Variants in TRAPPC9 observed in about 807,000 individuals in gnomAD.
TRAPPC9 encodes IKK2 binding protein.
In TRAPPC9, 83 loss-of-function variants were observed where a neutral mutation model predicts 124.0. The observed-to-expected ratio is 0.67, with a 90% CI of 0.56 to 0.80. The LOEUF is 0.80. Among genes scored for constraint, TRAPPC9 ranks in the 30% least tolerant of loss-of-function variants. The pLI is 0.00. For synonymous variants in TRAPPC9, 638 were observed against 617.5 expected (o/e 1.03, Z -0.49); for missense variants, 1,302 against 1,508.3 (o/e 0.86, Z 2.27).
chr8:139,860,289 G>C (rs2130975824), intron 21 of TRAPPC9, among the ~76,000 whole-genome samples: 1 of 152,200 alleles, frequency 6.6e-6, no homozygotes, highest in Middle Eastern at 3.4e-3. Flanking sequence ...CCCCACACAT[G>C]CTGAGGCTCT....
At chr8:139,986,198 G>A (rs564534417) in intron 19 of TRAPPC9, among the ~76,000 whole-genome samples, 61 of 152,290 alleles carry the variant, frequency 4.0e-4, no homozygotes, top group African/African-American at 1.5e-3. Flanking sequence ...AGCCAGGACT[G>A]TGCCACTGCA....
intron 10 of TRAPPC9, among the ~76,000 whole-genome samples, chr8:140,305,206 G>A (rs1468514964): frequency 6.6e-5 from 10 of 152,126 alleles, no homozygotes; most frequent in East Asian, 3.8e-4. Context: ...CAGCCATTAC[G>A]TAGGACATTA....
intron 17 of TRAPPC9, among the ~76,000 whole-genome samples, chr8:140,100,862 T>C (rs1189796012): frequency 6.6e-6 from 1 of 152,184 alleles, no homozygotes; most frequent in Non-Finnish European, 1.5e-5. Flanking sequence ...GGCGAAAGCC[T>C]GGGTGGGTTC....
At chr8:139,965,369 G>C (rs1050050597) in intron 19 of TRAPPC9, among the ~76,000 whole-genome samples, 3 of 152,088 alleles carry the variant, frequency 2.0e-5, no homozygotes, top group Non-Finnish European at 2.9e-5. Flanking sequence ...TGACACCCTG[G>C]GGTGCTGCAG....
intron 17 of TRAPPC9, among the ~76,000 whole-genome samples, chr8:140,046,016 T>G (rs550061484): frequency 1.9e-4 from 29 of 151,616 alleles, no homozygotes; most frequent in African/African-American, 6.5e-4. Context: ...TGGAGACTCT[T>G]TTTTTAATGT....
At chr8:140,219,235 G>A (rs565223096) in intron 17 of TRAPPC9, among the ~76,000 whole-genome samples, 18 of 152,192 alleles carry the variant, frequency 1.2e-4, no homozygotes, top group Admixed American at 4.6e-4. Flanking sequence ...CACACTCGGC[G>A]ATCATCGCGA....
intron 20 of TRAPPC9, among the ~76,000 whole-genome samples, chr8:139,891,014 G>A (rs941584306): frequency 6.6e-6 from 1 of 152,022 alleles, no homozygotes; most frequent in East Asian, 1.9e-4. Flanking sequence ...CCCTGTCCAC[G>A]GCCAAATGCC....
At chr8:139,937,542 G>A (rs1390614027) in intron 19 of TRAPPC9, among the ~76,000 whole-genome samples, 1 of 152,136 alleles carries the variant, frequency 6.6e-6, no homozygotes, top group Non-Finnish European at 1.5e-5. Context: ...GGGCCGAGGT[G>A]GCAGGGCCGG....
chr8:140,402,726 C>A (rs1365388685), intron 6 of TRAPPC9, among the ~76,000 whole-genome samples: 1 of 151,062 alleles, frequency 6.6e-6, no homozygotes, highest in Non-Finnish European at 1.5e-5. Flanking sequence ...GAAAGAAACA[C>A]TCTTAGATAT....
intron 17 of TRAPPC9, among the ~76,000 whole-genome samples, chr8:140,184,032 T>C (rs1450973455): frequency 6.7e-6 from 1 of 150,256 alleles, no homozygotes; most frequent in African/African-American, 2.5e-5. Context: ...GTCTGAGCAC[T>C]GGCCTTCTCT....
At chr8:140,304,246 C>T (rs1588125657) in intron 10 of TRAPPC9, among the ~76,000 whole-genome samples, 1 of 152,224 alleles carries the variant, frequency 6.6e-6, no homozygotes, top group Middle Eastern at 3.4e-3. Context: ...AAGCACCTGC[C>T]ACCACGCCCG....
At chr8:140,066,785 G>T (rs1040009297) in intron 17 of TRAPPC9, among the ~76,000 whole-genome samples, 1 of 152,200 alleles carries the variant, frequency 6.6e-6, no homozygotes, top group Non-Finnish European at 1.5e-5. Context: ...AAAGATACCT[G>T]GCACCAAAGG....
chr8:140,141,354 T>A (rs1484861764), intron 17 of TRAPPC9, among the ~76,000 whole-genome samples: 1 of 152,218 alleles, frequency 6.6e-6, no homozygotes, highest in African/African-American at 2.4e-5. Flanking sequence ...ATCTGGCGCA[T>A]CCACACTGTA....
intron 17 of TRAPPC9, among the ~76,000 whole-genome samples, chr8:140,210,632 G>A (rs1199960835): frequency 6.6e-6 from 1 of 151,428 alleles, no homozygotes; most frequent in Admixed American, 6.6e-5. Flanking sequence ...CCAGCAAACC[G>A]ACGATTACAT....
Position 140,012,522 on chromosome 8 carries a change from G to A in TRAPPC9, c.2699+11415C>T, listed in dbSNP as rs139186745. Among the ~76,000 whole-genome samples, 15 of 152,338 alleles carry A rather than the reference G, an allele frequency of 9.8e-5. No individual in the cohort carries two copies. In the East Asian group the frequency reaches 2.3e-3, roughly 24 times the overall value. On this transcript the variant is annotated intron_variant, in intron 18 of 22. Transcript: ENST00000438773. ...CTTACTGGAATCCTCCCGACAGCCC[G>A]ATAAGGAGGCCCGCTTTATAAAGAT...
chr8:140,281,019 A>G (rs1000910485), intron 14 of TRAPPC9, among the ~76,000 whole-genome samples: 3 of 152,202 alleles, frequency 2.0e-5, no homozygotes, highest in African/African-American at 7.2e-5. Context: ...GACACACCAC[A>G]TTCTGCTGAC....
At chr8:140,269,804 G>A (rs2064820902) in intron 15 of TRAPPC9, among the ~76,000 whole-genome samples, 1 of 151,970 alleles carries the variant, frequency 6.6e-6, no homozygotes, top group African/African-American at 2.4e-5. Flanking sequence ...GAGACATAAG[G>A]AACACCAAGG....
At chr8:140,123,005 A>ATGTGT (rs1220743969) in intron 17 of TRAPPC9, among the ~76,000 whole-genome samples, 4 of 152,138 alleles carry the variant, frequency 2.6e-5, no homozygotes, top group African/African-American at 9.7e-5. Flanking sequence ...TTTTTATTTA[A>ATGTGT]TGTGTTGAGC....
At chr8:140,237,378 G>A (rs1429321543) in intron 16 of TRAPPC9, among the ~76,000 whole-genome samples, 1 of 151,288 alleles carries the variant, frequency 6.6e-6, no homozygotes, top group East Asian at 2.0e-4. Context: ...ACTGCCTTGA[G>A]ATTCAGAGAA....
Sources: gnomAD v4.1 joint callset for allele counts (sites outside exome capture counted in the v4.1 genomes callset) on GRCh38, gnomAD v4.1.1 for gene constraint, MANE v1.5 for transcripts, NCBI Gene and HGNC (gene_info 2026-07-23, HGNC 2026-07-21) for gene names.